Variants in PPP4R1 observed in about 807,000 individuals in gnomAD.
PPP4R1 encodes the protein protein phosphatase 4 regulatory subunit 1.
PPP4R1 carries 42 observed loss-of-function variants against 111.2 expected under a neutral mutation model. The ratio of observed to expected loss-of-function variants is 0.38; its 90% CI spans 0.29 to 0.49. The LOEUF is 0.49. Among genes scored for constraint, PPP4R1 ranks in the 20% least tolerant of loss-of-function variants. The probability of loss-of-function intolerance (pLI) is 0.97; values close to 1 mark genes in which losing one functional copy is unlikely to be tolerated. For missense variants in PPP4R1, 1,012 were observed against 1,161.6 expected (o/e 0.87, Z 1.87); for synonymous variants, 409 against 405.5 (o/e 1.01, Z -0.10).
chr18:9,584,965 C>A, intron 6 of PPP4R1, 137 bp from the exon 7 acceptor site: 1 of 600,944 alleles, frequency 1.7e-6, no homozygotes, highest in South Asian at 3.4e-5. Context: ...TGACAGAAAA[C>A]ATTCATAGCC....
At chr18:9,553,563 A>C (rs1325567520) in intron 15 of PPP4R1, 141 bp from the exon 16 acceptor site, 1 of 610,532 alleles carries the variant, frequency 1.6e-6, no homozygotes, top group East Asian at 2.8e-5. Flanking sequence ...AGTGTTTTAA[A>C]ATTTGGTATT....
chr18:9,549,874 G>T, intron 18 of PPP4R1, 178 bp downstream of exon 18: 1 of 893,138 alleles, frequency 1.1e-6, no homozygotes, highest in Non-Finnish European at 1.7e-6. Flanking sequence ...TGGCTAGCTG[G>T]GAGAGAGGGG....
chr18:9,555,891 C>T (rs2066566938), intron 15 of PPP4R1, among the ~76,000 whole-genome samples: 2 of 152,026 alleles, frequency 1.3e-5, no homozygotes, highest in South Asian at 4.2e-4. Flanking sequence ...AATCCCAGCA[C>T]TTTGGGAGGC....
chr18:9,593,677 T>C, intron 4 of PPP4R1, 91 bp downstream of exon 4: 1 of 1,096,506 alleles, frequency 9.1e-7, no homozygotes. Context: ...CTATCTCATA[T>C]CACATTAACT....
chr18:9,579,463 G>A (rs535237188), intron 9 of PPP4R1, among the ~76,000 whole-genome samples: 3 of 151,776 alleles, frequency 2.0e-5, no homozygotes, highest in African/African-American at 4.8e-5. Flanking sequence ...AACATTGTTC[G>A]GACAAAAGAC....
chr18:9,567,291 C>T (rs1273912901), intron 11 of PPP4R1, among the ~76,000 whole-genome samples: 1 of 152,204 alleles, frequency 6.6e-6, no homozygotes, highest in African/African-American at 2.4e-5. Context: ...AGCAGGAGAA[C>T]TAAAATTAGG....
intron 15 of PPP4R1, among the ~76,000 whole-genome samples, chr18:9,554,311 T>C (rs147337129): frequency 7.9e-5 from 12 of 151,956 alleles, no homozygotes; most frequent in Non-Finnish European, 1.5e-4. Flanking sequence ...GTATCTTTAG[T>C]AGAGACGGGG....
At chr18:9,579,364 C>T (rs548613270) in intron 9 of PPP4R1, among the ~76,000 whole-genome samples, 4 of 152,178 alleles carry the variant, frequency 2.6e-5, no homozygotes, top group South Asian at 4.1e-4. Context: ...TAAATATTAA[C>T]GAATTTCAGA....
intron 10 of PPP4R1, among the ~76,000 whole-genome samples, chr18:9,571,377 C>T (rs897009640): frequency 9.2e-5 from 14 of 152,118 alleles, no homozygotes; most frequent in African/African-American, 2.7e-4. Flanking sequence ...ATCTGAAGTA[C>T]GACTGTAAGT....
intron 10 of PPP4R1, among the ~76,000 whole-genome samples, chr18:9,573,722 T>TA (rs987682491): frequency 6.6e-6 from 1 of 152,134 alleles, no homozygotes; most frequent in Non-Finnish European, 1.5e-5. Context: ...CTCAGCCTCC[T>TA]AAAGTGATGG....
At chr18:9,615,642 G>T (rs2067679812), upstream of PPP4R1, among the ~76,000 whole-genome samples, 1 of 152,156 alleles carries the variant, frequency 6.6e-6, no homozygotes. Flanking sequence ...TCTATCTCCA[G>T]CTCCACCCAA....
rs13381143 is a variant in PPP4R1, at chr18:9,556,114, T to G, written c.2190+1107A>C. Reference sequence around the variant, plus strand: ...AGGCGGAGGTTGCAGTGAGCCAAGATCCTGCCACTGCACTCCAGCCTTGTG... The same window carrying G: ...AGGCGGAGGTTGCAGTGAGCCAAGAGCCTGCCACTGCACTCCAGCCTTGTG... On this transcript the variant is annotated intron_variant, in intron 15 of 19. Coordinates refer to ENST00000400556, the MANE Select transcript of PPP4R1 (RefSeq NM_001042388.3). 2.8e-3 allele frequency among the ~76,000 whole-genome samples: 404 copies of G among 143,616 alleles called. 5 individuals are homozygous for G. Among genetic ancestry groups the G allele is most frequent in the African/African-American group, 1.0e-2 (386 of 38,782 alleles). The allele number at this position is 143,616 out of a possible 152,430, so 94.2% of individuals were successfully genotyped here.
chr18:9,607,397 G>C (rs2067499377), intron 2 of PPP4R1, among the ~76,000 whole-genome samples: 2 of 151,240 alleles, frequency 1.3e-5, no homozygotes, highest in Admixed American at 6.6e-5. Context: ...ATGGATAAAT[G>C]AAAGTCAAAA....
At chr18:9,605,949 G>C (rs1266364092) in intron 2 of PPP4R1, among the ~76,000 whole-genome samples, 1 of 152,148 alleles carries the variant, frequency 6.6e-6, no homozygotes, top group African/African-American at 2.4e-5. Flanking sequence ...GTACATAACT[G>C]TATAGAGAAG....
At chr18:9,582,413 A>C (rs1248837199) in intron 9 of PPP4R1, among the ~76,000 whole-genome samples, 1 of 152,194 alleles carries the variant, frequency 6.6e-6, no homozygotes, top group Admixed American at 6.5e-5. Context: ...TCATATACCA[A>C]CAAATTAAGT....
intron 15 of PPP4R1, among the ~76,000 whole-genome samples, chr18:9,554,207 A>T (rs557365559): frequency 6.0e-4 from 91 of 150,558 alleles, no homozygotes; most frequent in African/African-American, 2.2e-3. Flanking sequence ...GGCTCACTGC[A>T]ACCTCCACCT....
chr18:9,593,967 GC>G, intron 3 of PPP4R1, 93 bp from the exon 4 acceptor site: 1 of 958,560 alleles, frequency 1.0e-6, no homozygotes, highest in Non-Finnish European at 1.6e-6. Context: ...CATTCCTGTT[GC>G]CCAGGCCGGA....
intron 16 of PPP4R1, chr18:9,550,713 T>C (rs560356088): frequency 1.1e-4 from 28 of 245,394 alleles, no homozygotes; most frequent in Middle Eastern, 3.0e-3. Context: ...CACTGATCCA[T>C]GGTCACAGTT....
chr18:9,574,581 C>T (rs930423627), intron 10 of PPP4R1, among the ~76,000 whole-genome samples: 1 of 152,088 alleles, frequency 6.6e-6, no homozygotes, highest in Non-Finnish European at 1.5e-5. Context: ...CCATATTTCC[C>T]TAGAATAATT....
Sources: allele counts gnomAD v4.1 joint callset (sites outside exome capture counted in the v4.1 genomes callset), GRCh38; gene constraint gnomAD v4.1.1; transcripts MANE v1.5; gene names NCBI Gene and HGNC (gene_info 2026-07-23, HGNC 2026-07-21).